GPHN: variants seen among roughly 807,000 people sequenced by gnomAD.
GPHN encodes the protein gephyrin.
GPHN carries 17 observed loss-of-function variants against 95.5 expected under a neutral mutation model. The observed-to-expected ratio is 0.18, with a 90% CI of 0.12 to 0.27. The LOEUF is 0.27. Among genes scored for constraint, GPHN ranks in the 10% least tolerant of loss-of-function variants. The pLI, the probability that GPHN is intolerant of heterozygous loss-of-function variation, is 1.00. For missense variants in GPHN, 660 were observed against 978.1 expected (o/e 0.67, Z 4.34); for synonymous variants, 320 against 322.5 (o/e 0.99, Z 0.08).
At chr14:66,957,909 G>A (rs937293336) in intron 8 of GPHN, among the ~76,000 whole-genome samples, 2 of 152,136 alleles carry the variant, frequency 1.3e-5, no homozygotes, top group African/African-American at 4.8e-5. Context: ...TCTAAGTTGT[G>A]TGCTCCTTAT....
chr14:66,581,788 AAG>A (rs2061185424), intron 1 of GPHN, among the ~76,000 whole-genome samples: 1 of 152,028 alleles, frequency 6.6e-6, no homozygotes, highest in African/African-American at 2.4e-5. Flanking sequence ...AAATTATAAA[AAG>A]AGACACAGAA....
At chr14:66,867,448 A>T (rs2063269510) in intron 4 of GPHN, among the ~76,000 whole-genome samples, 1 of 152,120 alleles carries the variant, frequency 6.6e-6, no homozygotes, top group South Asian at 2.1e-4. Flanking sequence ...CTTGAATGAG[A>T]AAAAAATAGA....
At chr14:66,894,366 A>G (rs1046104713) in intron 5 of GPHN, among the ~76,000 whole-genome samples, 7 of 152,198 alleles carry the variant, frequency 4.6e-5, no homozygotes, top group African/African-American at 1.2e-4. Flanking sequence ...TTAATTCAAG[A>G]TGGATTAAAG....
rs569746784 is a variant in GPHN, at chr14:66,519,502, A to G, written c.64+10911A>G. On this transcript the variant is annotated intron_variant, in intron 1 of 22. Transcript: ENST00000478722. ...TAACACTTAAAAAAAGATATTTCAT[A>G]TAAAATCCATATTTTTTTTGCTTCT... Among the ~76,000 whole-genome samples, 10 of 152,256 alleles carry G rather than the reference A, an allele frequency of 6.6e-5. No homozygotes were observed. The South Asian group carries it at 2.1e-3, about 32-fold the overall frequency.
At chr14:66,683,785 G>A (rs934478357) in intron 2 of GPHN, among the ~76,000 whole-genome samples, 16 of 151,562 alleles carry the variant, frequency 1.1e-4, no homozygotes, top group Non-Finnish European at 1.9e-4. Context: ...AGACCATCCT[G>A]GCTAACACGG....
At chr14:67,218,711 G>T in the GPHN span, among the ~76,000 whole-genome samples, 14 of 152,006 alleles carry the variant, frequency 9.2e-5, no homozygotes, top group Non-Finnish European at 1.9e-4. Flanking sequence ...GTTTCTTTGT[G>T]CCCTAAGCAC....
intron 1 of GPHN, among the ~76,000 whole-genome samples, chr14:66,639,407 C>T (rs541240269): frequency 6.6e-6 from 1 of 152,152 alleles, no homozygotes; most frequent in East Asian, 1.9e-4. Flanking sequence ...TCAATATGTA[C>T]AAGATGGATG....
chr14:67,386,695 C>T, the GPHN span, among the ~76,000 whole-genome samples: 70 of 152,222 alleles, frequency 4.6e-4, no homozygotes, highest in African/African-American at 1.6e-3. Flanking sequence ...GCTAAATGCC[C>T]ATTTTTCATA....
chr14:67,182,376 A>T (rs2083338894), downstream of GPHN, among the ~76,000 whole-genome samples: 1 of 152,216 alleles, frequency 6.6e-6, no homozygotes, highest in African/African-American at 2.4e-5. Context: ...ATATACTGTA[A>T]AATGTGCTCA....
chr14:67,404,962 G>A, the GPHN span, among the ~76,000 whole-genome samples: 723 of 152,112 alleles, frequency 4.8e-3, 5 homozygotes, highest in African/African-American at 0.017. Context: ...GGCCAGGTGC[G>A]GTGGCTCACA....
intron 6 of GPHN, among the ~76,000 whole-genome samples, chr14:66,919,998 G>A (rs879470223): frequency 1.3e-5 from 2 of 152,094 alleles, no homozygotes; most frequent in Non-Finnish European, 2.9e-5. Context: ...CCCAGGAGGC[G>A]GAGGTTGCAG....
the GPHN span, among the ~76,000 whole-genome samples, chr14:67,201,077 C>T: frequency 5.5e-4 from 84 of 152,284 alleles, no homozygotes; most frequent in Admixed American, 4.6e-3. Context: ...AGGAGGATCG[C>T]TTGAGGCCAG....
At chr14:66,796,904 G>A (rs1049758471) in intron 3 of GPHN, among the ~76,000 whole-genome samples, 1 of 151,704 alleles carries the variant, frequency 6.6e-6, no homozygotes, top group African/African-American at 2.4e-5. Flanking sequence ...CCAGATCAAT[G>A]TCCTGGAGAG....
At chr14:66,629,607 A>G (rs1446201163) in intron 1 of GPHN, among the ~76,000 whole-genome samples, 1 of 152,144 alleles carries the variant, frequency 6.6e-6, no homozygotes, top group Admixed American at 6.5e-5. Flanking sequence ...ATCATTATCA[A>G]GTGTTATGTA....
the GPHN span, among the ~76,000 whole-genome samples, chr14:67,597,460 AGAGT>A: frequency 2.0e-4 from 30 of 152,196 alleles, no homozygotes; most frequent in South Asian, 6.0e-3. Context: ...CCTGGGCAAC[AGAGT>A]GAGAACCTGT....
At chr14:66,557,719 TC>T (rs1424249297) in intron 1 of GPHN, among the ~76,000 whole-genome samples, 2 of 152,136 alleles carry the variant, frequency 1.3e-5, no homozygotes, top group African/African-American at 4.8e-5. Flanking sequence ...ATCTGTATGT[TC>T]CCCTCTGGAT....
At chr14:66,804,823 A>C (rs905140272) in intron 3 of GPHN, among the ~76,000 whole-genome samples, 6 of 152,196 alleles carry the variant, frequency 3.9e-5, no homozygotes, top group Non-Finnish European at 7.3e-5. Flanking sequence ...GTTACAGTAA[A>C]AGTATTACCC....
the GPHN span, among the ~76,000 whole-genome samples, chr14:67,580,736 T>C: frequency 1.3e-5 from 2 of 152,248 alleles, no homozygotes; most frequent in South Asian, 4.1e-4. Context: ...TTGCTCACCC[T>C]GTCCAGGGTT....
At chr14:66,677,222 C>T (rs1005851909) in intron 1 of GPHN, among the ~76,000 whole-genome samples, 7 of 151,984 alleles carry the variant, frequency 4.6e-5, no homozygotes, top group East Asian at 3.9e-4. Context: ...GTTTATCTTT[C>T]GATAAAACCA....
Sources: allele counts gnomAD v4.1 joint callset (sites outside exome capture counted in the v4.1 genomes callset), GRCh38; gene constraint gnomAD v4.1.1; transcripts MANE v1.5; gene names NCBI Gene and HGNC (gene_info 2026-07-23, HGNC 2026-07-21).